Variants in RGS5 observed in about 807,000 individuals in gnomAD.
RGS5 encodes regulator of G protein signaling 5, also known as regulator of G-protein signalling 5.
RGS5 carries 20 observed loss-of-function variants against 18.9 expected under a neutral mutation model. The ratio of observed to expected loss-of-function variants is 1.06; its 90% CI spans 0.74 to 1.54. The LOEUF is 1.54. Ranked by LOEUF, RGS5 falls within the 40% of genes most tolerant of loss-of-function variation. The pLI is 0.00. For missense variants in RGS5, 201 were observed against 211.8 expected, an observed-to-expected ratio of 0.95 and a Z score of 0.32; for synonymous variants, 57 against 76.2, an observed-to-expected ratio of 0.75 and a Z score of 1.31.
intron 1 of RGS5, chr1:163,217,474 T>G (rs1454946107): frequency 1.4e-6 from 2 of 1,474,462 alleles, no homozygotes; most frequent in Admixed American, 2.6e-5. Context: ...GTCTTTCCTG[T>G]AAATTATAAC....
At chr1:163,208,518 TAAAAAAAAA>T (rs55700806) in intron 1 of RGS5, among the ~76,000 whole-genome samples, 3 of 14,464 alleles carry the variant, frequency 2.1e-4, no homozygotes, top group African/African-American at 5.3e-4. Flanking sequence ...CCACCTCCAT[TAAAAAAAAA>T]AAAAAAAAAA....
intron 1 of RGS5, among the ~76,000 whole-genome samples, chr1:163,213,582 T>G (rs866881922): frequency 7.9e-5 from 12 of 152,350 alleles, no homozygotes; most frequent in Non-Finnish European, 1.5e-4. Context: ...ATGTGGCTAC[T>G]GTTTACAGCC....
intron 2 of RGS5, among the ~76,000 whole-genome samples, chr1:163,229,170 C>G (rs575928493): frequency 6.6e-6 from 1 of 152,086 alleles, no homozygotes; most frequent in African/African-American, 2.4e-5. Context: ...CCCAAGACTG[C>G]GTAATATATA....
intron 2 of RGS5, among the ~76,000 whole-genome samples, chr1:163,240,733 T>C (rs140004864): frequency 0.015 from 2,214 of 152,254 alleles, 61 homozygotes; most frequent in African/African-American, 0.05. Flanking sequence ...CCCAGGCTGA[T>C]CTTGAACTTC....
At chr1:163,289,925 G>A (rs1012496513) in intron 2 of RGS5, among the ~76,000 whole-genome samples, 4 of 152,148 alleles carry the variant, frequency 2.6e-5, no homozygotes, top group Admixed American at 6.5e-5. Context: ...GCCTGCATAG[G>A]TAAATGCTGG....
At chr1:163,229,097 T>C (rs1330043631) in intron 2 of RGS5, among the ~76,000 whole-genome samples, 1 of 152,222 alleles carries the variant, frequency 6.6e-6, no homozygotes, top group African/African-American at 2.4e-5. Flanking sequence ...TTTACAGCAG[T>C]GCCCCATTCT....
chr1:163,190,736 G>T (rs1193590635), intron 1 of RGS5, among the ~76,000 whole-genome samples: 1 of 152,234 alleles, frequency 6.6e-6, no homozygotes, highest in African/African-American at 2.4e-5. Context: ...GGGCTGAATT[G>T]CATGTTGTTT....
intron 4 of RGS5, among the ~76,000 whole-genome samples, chr1:163,148,040 G>A (rs1214921712): frequency 6.8e-6 from 1 of 147,890 alleles, no homozygotes; most frequent in East Asian, 2.0e-4. Context: ...TGATTCTTCT[G>A]CCCGAGCCTC....
chr1:163,207,742 CATT>C (rs1361079851), upstream of RGS5, among the ~76,000 whole-genome samples: 1 of 151,868 alleles, frequency 6.6e-6, no homozygotes, highest in African/African-American at 2.4e-5. Flanking sequence ...AGAATTAGAT[CATT>C]GATTGTTGCA....
intron 1 of RGS5, among the ~76,000 whole-genome samples, chr1:163,181,524 T>G (rs746922911): frequency 7.2e-5 from 11 of 152,198 alleles, no homozygotes; most frequent in Non-Finnish European, 1.5e-4. Flanking sequence ...TCACAGAAAT[T>G]AAAAGATGTT....
At chr1:163,250,700 T>G (rs1648084973) in intron 2 of RGS5, among the ~76,000 whole-genome samples, 1 of 152,152 alleles carries the variant, frequency 6.6e-6, no homozygotes, top group Admixed American at 6.5e-5. Context: ...ATAGAAAATA[T>G]TATTAGTGTT....
At chr1:163,168,403 C>A (rs558413837) in intron 1 of RGS5, 35 bp from the exon 2 acceptor site, 1 of 1,424,792 alleles carries the variant, frequency 7.0e-7, no homozygotes, top group African/African-American at 1.4e-5. Context: ...ATGAGGACAC[C>A]ACATGTGCAT....
intron 4 of RGS5, among the ~76,000 whole-genome samples, chr1:163,148,254 C>T (rs1291583000): frequency 6.6e-6 from 1 of 152,032 alleles, no homozygotes; most frequent in Non-Finnish European, 1.5e-5. Context: ...AATTCTAACA[C>T]AACATTTGGT....
intron 1 of RGS5, among the ~76,000 whole-genome samples, chr1:163,217,169 C>T (rs1374809406): frequency 6.6e-6 from 1 of 152,066 alleles, no homozygotes; most frequent in Admixed American, 6.6e-5. Flanking sequence ...ATTATTTGTA[C>T]AACAAACCTC....
intron 1 of RGS5, among the ~76,000 whole-genome samples, chr1:163,177,112 C>T (rs776194460): frequency 2.6e-5 from 4 of 152,160 alleles, no homozygotes; most frequent in Non-Finnish European, 5.9e-5. Flanking sequence ...ATGGGCTCTC[C>T]AGTCACAATA....
At chr1:163,203,274 A>C (rs1312269887), upstream of RGS5, among the ~76,000 whole-genome samples, 1 of 152,152 alleles carries the variant, frequency 6.6e-6, no homozygotes. Context: ...GATTCTTAGG[A>C]CTGTAAGGGC....
rs537735697 is a variant in RGS5, at chr1:163,241,538, C to T, written c.-281+64695G>A. 9.2e-5 allele frequency among the ~76,000 whole-genome samples: 14 copies of T among 152,276 alleles called. 1 individual carries two copies. The South Asian group carries it at 2.5e-3, about 27-fold the overall frequency. On this transcript the variant is annotated intron_variant, in intron 2 of 5. Transcript: ENST00000618415. ...TTCAGACTATGGTTATTCTGGTTTA[C>T]GGTTTCCTTCCAGATAGGTATGGAT...
intron 2 of RGS5, among the ~76,000 whole-genome samples, chr1:163,269,623 C>T (rs1433697398): frequency 1.3e-5 from 2 of 152,192 alleles, no homozygotes; most frequent in East Asian, 3.9e-4. Context: ...TATGTTATTA[C>T]TAAATCCATT....
chr1:163,282,565 C>G (rs1297752223), intron 2 of RGS5, among the ~76,000 whole-genome samples: 1 of 151,936 alleles, frequency 6.6e-6, no homozygotes, highest in African/African-American at 2.4e-5. Context: ...TAAAAATTAG[C>G]CAGGCATGTT....
Sources: gnomAD v4.1 joint callset for allele counts (sites outside exome capture counted in the v4.1 genomes callset) on GRCh38, gnomAD v4.1.1 for gene constraint, MANE v1.5 for transcripts, NCBI Gene and HGNC (gene_info 2026-07-23, HGNC 2026-07-21) for gene names.